Variants in DNMT1 observed in about 807,000 individuals in gnomAD.
The protein encoded by DNMT1 is DNA methyltransferase 1.
A neutral mutation model predicts 205.3 loss-of-function variants in DNMT1; 24 were observed. That is an observed-to-expected ratio of 0.12 (90% CI 0.08 to 0.16). DNMT1 has a LOEUF of 0.16. Among genes scored for constraint, DNMT1 ranks in the 10% least tolerant of loss-of-function variants. DNMT1 has a pLI of 1.00. For missense variants in DNMT1, 1,293 were observed against 2,177.7 expected (o/e 0.59, Z 8.09); for synonymous variants, 817 against 839.8 (o/e 0.97, Z 0.47).
intron 9 of DNMT1, among the ~76,000 whole-genome samples, chr19:10,172,646 A>G (rs1200679387): frequency 6.6e-6 from 1 of 151,896 alleles, no homozygotes; most frequent in Non-Finnish European, 1.5e-5. Flanking sequence ...CAACACAGTG[A>G]AACCCCATCT....
intron 6 of DNMT1, among the ~76,000 whole-genome samples, chr19:10,177,060 T>C (rs2038951235): frequency 6.6e-6 from 1 of 152,254 alleles, no homozygotes; most frequent in South Asian, 2.1e-4. Flanking sequence ...ATGATGGGTA[T>C]TTCAGGGTTC....
intron 9 of DNMT1, among the ~76,000 whole-genome samples, chr19:10,170,227 G>A (rs1332726401): frequency 1.3e-5 from 2 of 152,020 alleles, no homozygotes; most frequent in South Asian, 2.1e-4. Context: ...GGAGGTTGTA[G>A]TGAGCTAAAA....
At position 10,180,578 on chromosome 19, in the gene DNMT1, G is replaced by A; in HGVS notation, c.226-9C>T. ...TTAGCCAGGTAGCCCTCCTACAGCAGGAAAGGATAATTTAAGTAGCAGTGA... is the reference window on the plus strand; with the variant it reads ...TTAGCCAGGTAGCCCTCCTACAGCAAGAAAGGATAATTTAAGTAGCAGTGA... On this transcript the variant is annotated splice_polypyrimidine_tract_variant and intron_variant, in intron 3 of 40. Transcript: ENST00000359526. 1 of 1,613,646 alleles carries A rather than the reference G, an allele frequency of 6.2e-7. No individual in the cohort carries two copies. The highest frequency in any genetic ancestry group is 8.5e-7 in the Non-Finnish European group (1 of 1,179,674).
At chr19:10,155,809 C>A (rs1373818454) in intron 19 of DNMT1, 44 bp downstream of exon 19, 2 of 1,584,208 alleles carry the variant, frequency 1.3e-6, no homozygotes, top group South Asian at 2.3e-5. Context: ...AACATGAAGG[C>A]CCCTTTCAGA....
At chr19:10,150,142 AAAG>A (rs1023767674) in intron 24 of DNMT1, among the ~76,000 whole-genome samples, 174 bp from the exon 25 acceptor site, 6 of 152,180 alleles carry the variant, frequency 3.9e-5, no homozygotes, top group African/African-American at 1.4e-4. Context: ...TAATAAGAAA[AAAG>A]AAGAACATCC....
intron 22 of DNMT1, among the ~76,000 whole-genome samples, chr19:10,153,539 A>G (rs2038392306): frequency 6.6e-6 from 1 of 151,916 alleles, no homozygotes; most frequent in Non-Finnish European, 1.5e-5. Flanking sequence ...CGGGAGGCTG[A>G]GGTGGGAGAA....
rs1050140019 is a variant in DNMT1 at position 10,194,953 on chromosome 19, C to A, written c.-54G>T. ...GCAGCGCAGGCGCCCCGGCTTTTCG[C>A]GCGGAAACCGATGGGGAGGGGCGAT... On this transcript the variant is annotated 5_prime_UTR_variant, in exon 1 of 41. Coordinates refer to ENST00000359526, the MANE Select transcript of DNMT1 (RefSeq NM_001130823.3). 1.9e-6 allele frequency: 3 copies of A among 1,555,498 alleles called. No homozygotes were observed. Among genetic ancestry groups the A allele is most frequent in the South Asian group, 1.2e-5 (1 of 82,348 alleles).
intron 1 of DNMT1, among the ~76,000 whole-genome samples, chr19:10,192,127 T>TA (rs1208096251): frequency 6.6e-6 from 1 of 151,918 alleles, no homozygotes; most frequent in Non-Finnish European, 1.5e-5. Flanking sequence ...CCCAGCCTTC[T>TA]AAAAAATTTT....
rs1448266394 is a variant in DNMT1, at chr19:10,138,657, G to C, written c.3949-52C>G. ...CACCGTCAGTGGGACACTCCCAACT[G>C]GACTGGCCAGACCCAGGCCCAGGGT... On this transcript the variant is annotated intron_variant, in intron 34 of 40. Transcript: ENST00000359526. This position sits in a 1 kb window ranked among gnomAD's most constrained non-coding sequence, Gnocchi z 4.1. 1 of 1,575,944 alleles carries C rather than the reference G, an allele frequency of 6.3e-7. No individual in the cohort carries two copies. The highest frequency in any genetic ancestry group is 1.3e-5 in the African/African-American group (1 of 74,468).
chr19:10,160,087 A>C lies in DNMT1; in HGVS notation c.1044-24T>G. On this transcript the variant is annotated intron_variant, in intron 14 of 40. Coordinates refer to ENST00000359526, the MANE Select transcript of DNMT1 (RefSeq NM_001130823.3). ...TTCTGGGGGAAAAAAAAAAATCACA[A>C]GATCGTTTGTTTAATTGTTTCAGAA... 1 of 1,611,744 alleles carries C rather than the reference A, an allele frequency of 6.2e-7. No homozygotes were observed. The highest frequency in any genetic ancestry group is 8.5e-7 in the Non-Finnish European group (1 of 1,179,994).
intron 1 of DNMT1, among the ~76,000 whole-genome samples, chr19:10,193,665 C>CAAAAAAAA (rs35583463): frequency 1.9e-5 from 2 of 106,118 alleles, no homozygotes; most frequent in South Asian, 3.1e-4. Flanking sequence ...ACCCAGCCTT[C>CAAAAAAAA]AAAAAAAAAA....
In DNMT1 at chr19:10,175,580, G is replaced by C. The variant is rs748641297; in HGVS notation, c.608C>G (p.Ala203Gly). The C allele has an allele frequency of 1.2e-6, 2 of 1,614,018 alleles. No individual in the cohort carries two copies. The highest frequency in any genetic ancestry group is 1.7e-6 in the Non-Finnish European group (2 of 1,179,992). ...TTCCTTGATGGACTCATCCGATTTGGCTCTTTCAGACTCTTCCTGAGGTTT... is the reference window on the plus strand; with the variant it reads ...TTCCTTGATGGACTCATCCGATTTGCCTCTTTCAGACTCTTCCTGAGGTTT... The part of the protein sequence containing the change: ...KRKPQEESER[A>G]KSDESIKEED... Residue 203 changes from alanine (A) to glycine (G), a missense_variant, in exon 7 of 41, where the codon GCC becomes GGC. By Grantham distance (60) the Ala-to-Gly change is moderately conservative. Transcript: ENST00000359526.
chr19:10,145,476 G>A (rs1172198681), intron 28 of DNMT1, among the ~76,000 whole-genome samples: 1 of 141,316 alleles, frequency 7.1e-6, no homozygotes, highest in East Asian at 2.0e-4. Context: ...TCTGGAAAAC[G>A]TTGGCTGTAA....
rs542044576 is a variant in DNMT1, at chr19:10,163,134, G to A, written c.926+192C>T. The stretch of plus-strand genomic sequence containing the variant: ...CCGCCACCACACCCAGCTAATTTTT[G>A]TATTTTTAGTACAGACAGGGTTCCA... On this transcript the variant is annotated intron_variant, in intron 12 of 40. Transcript: ENST00000359526. Among the ~76,000 whole-genome samples the A allele has an allele frequency of 1.2e-4, 19 of 152,084 alleles. 1 individual carries two copies. The East Asian group carries it at 3.7e-3, about 29-fold the overall frequency.
chr19:10,159,803 G>A lies in DNMT1; in HGVS notation c.1171-36C>T. The A allele has an allele frequency of 6.2e-7, 1 of 1,614,218 alleles. No homozygotes were observed. The highest frequency in any genetic ancestry group is 8.5e-7 in the Non-Finnish European group (1 of 1,180,042). On this transcript the variant is annotated intron_variant, in intron 16 of 40. Coordinates refer to ENST00000359526, the MANE Select transcript of DNMT1 (RefSeq NM_001130823.3). The surrounding 1 kb of genome is among the most constrained non-coding windows in gnomAD (Gnocchi z 5.0). ...CGGGGCTGGTGAGCAGTGGGACAAG[G>A]GACAGGCAGAGGAAGGCTGGGAAGA...
Position 10,135,721 on chromosome 19 carries a change from C to T in DNMT1, c.4773+15G>A, listed in dbSNP as rs759016711. On this transcript the variant is annotated intron_variant, in intron 39 of 40. Coordinates refer to ENST00000359526, the MANE Select transcript of DNMT1 (RefSeq NM_001130823.3). ...CTCCTTCCTGTCCAGACCCAGCGGG[C>T]GCCGCCCCACTGACCTGCCGGTGCT... The T allele has an allele frequency of 1.0e-5, 16 of 1,603,996 alleles. No homozygotes were observed. Among genetic ancestry groups the T allele is most frequent in the Admixed American group, 5.1e-5 (3 of 59,370 alleles).
chr19:10,161,025 G>A (rs1013073725), intron 13 of DNMT1, among the ~76,000 whole-genome samples: 1 of 151,076 alleles, frequency 6.6e-6, no homozygotes, highest in Non-Finnish European at 1.5e-5. Flanking sequence ...CCAGGCACAG[G>A]GCCGGGCGCG....
chr19:10,145,296 A>G (rs2145280196), intron 28 of DNMT1, among the ~76,000 whole-genome samples: 1 of 152,268 alleles, frequency 6.6e-6, no homozygotes, highest in South Asian at 2.1e-4. Flanking sequence ...GGCAGAAAAC[A>G]CTACGGGGAG....
rs2089589641 is a variant in DNMT1, at chr19:10,140,996, C to T, written c.3395-87G>A. The T allele has an allele frequency of 1.9e-6, 3 of 1,613,340 alleles. No individual in the cohort carries two copies. The highest frequency in any genetic ancestry group is 2.2e-5 in the East Asian group (1 of 44,884). ...AGCGCCTTGTTAACTCAGGCGGCCT[C>T]GCTGTCCCAGAGTCAGTAACACCAG... On this transcript the variant is annotated intron_variant, in intron 31 of 40. Coordinates refer to ENST00000359526, the MANE Select transcript of DNMT1 (RefSeq NM_001130823.3). The surrounding 1 kb of genome is among the most constrained non-coding windows in gnomAD (Gnocchi z 8.4).
Sources: allele counts gnomAD v4.1 joint callset (sites outside exome capture counted in the v4.1 genomes callset), GRCh38; gene constraint gnomAD v4.1.1; non-coding constraint Gnocchi (gnomAD v3.1); transcripts MANE v1.5; gene names NCBI Gene and HGNC (gene_info 2026-07-23, HGNC 2026-07-21).